FUT4: variants seen among roughly 807,000 people sequenced by gnomAD.
FUT4 encodes alpha-(1,3)-fucosyltransferase 4.
In FUT4, 1 loss-of-function variant was observed where a neutral mutation model predicts 3.8. That is an observed-to-expected ratio of 0.26 (90% CI 0.09 to 1.25). The LOEUF (loss-of-function observed/expected upper bound fraction) is 1.25, where lower values mean the gene tolerates loss of function less well. Ranked by LOEUF, FUT4 falls within the 50% of genes most tolerant of loss-of-function variation. The pLI is 0.47. For missense variants in FUT4, 880 were observed against 768.2 expected, an observed-to-expected ratio of 1.15 and a Z score of -1.72; for synonymous variants, 417 against 355.3, an observed-to-expected ratio of 1.17 and a Z score of -1.95.
At position 94,544,264 on chromosome 11, in the gene FUT4, G is replaced by A; in HGVS notation, c.131G>A (p.Gly44Glu). ...GGCCCCGGGCGCAGTGGAAGAAAGGGACGGGCGGTGCCCGGTTGGGCGTCC... is the reference window on the plus strand; with the variant it reads ...GGCCCCGGGCGCAGTGGAAGAAAGGAACGGGCGGTGCCCGGTTGGGCGTCC... ...RLGPGRSGRK[G>E]RAVPGWASWP... is the part of the protein sequence containing the mutation. The change falls in exon 1 of 1, where the codon GGA becomes GAA. Residue 44 changes from glycine (G) to glutamate (E), a missense_variant. Gly to Glu is a moderately conservative substitution (Grantham distance 98, BLOSUM62 -2). Coordinates refer to ENST00000358752, the MANE Select transcript of FUT4 (RefSeq NM_002033.4). The A allele has an allele frequency of 6.5e-7, 1 of 1,537,864 alleles. No homozygotes were observed. Among genetic ancestry groups the A allele is most frequent in the Non-Finnish European group, 8.7e-7 (1 of 1,148,108 alleles).
At position 94,544,986 on chromosome 11, in the gene FUT4, C is replaced by A. The variant is rs753122175; in HGVS notation, c.853C>A (p.Pro285Thr). ...AAAEALATSS[P>T]RPPGQRWVWM... ...GGCAGAAGCCCTGGCGACCTCCAGCCCCAGGCCCCCGGGCCAGCGCTGGGT... is the reference window on the plus strand; with the variant it reads ...GGCAGAAGCCCTGGCGACCTCCAGCACCAGGCCCCCGGGCCAGCGCTGGGT... Residue 285 changes from proline to threonine, a missense_variant, in exon 1 of 1, where the codon CCC (proline) becomes ACC (threonine). Around this residue, in one of 3 missense-constraint regions of FUT4, gnomAD observed 424 missense variants for 400.4 expected, o/e 1.06. Coordinates refer to ENST00000358752, the MANE Select transcript of FUT4 (RefSeq NM_002033.4). The A allele has an allele frequency of 6.2e-7, 1 of 1,607,292 alleles. No homozygotes were observed. The highest frequency in any genetic ancestry group is 2.2e-5 in the East Asian group (1 of 44,594).
chr11:94,545,764 G>A lies in FUT4; in HGVS notation c.*38G>A, dbSNP rs1253947369. The A allele has an allele frequency of 4.4e-6, 7 of 1,580,388 alleles. No homozygotes were observed. The highest frequency in any genetic ancestry group is 1.1e-5 in the South Asian group (1 of 87,536). On this transcript the variant is annotated 3_prime_UTR_variant, in exon 1 of 1. Transcript: ENST00000358752. Reference sequence around the variant, plus strand: ...CTGGAAGCGACCCAGGGGAGGCCAAGTTGTCAGCTTTTTGATCCTCTACTG... The same window carrying A: ...CTGGAAGCGACCCAGGGGAGGCCAAATTGTCAGCTTTTTGATCCTCTACTG...
chr11:94,544,631 G>A lies in FUT4; in HGVS notation c.498G>A (p.Leu166=). The change falls in exon 1 of 1, where the codon CTG becomes CTA. Residue 166 remains leucine, a synonymous_variant. Transcript: ENST00000358752. Reference sequence around the variant, plus strand: ...CCGCCGGCTTGACGTGTACGGCGCTGATCACCTACGCTTGCTGGGGGCAGC... The same window carrying A: ...CCGCCGGCTTGACGTGTACGGCGCTAATCACCTACGCTTGCTGGGGGCAGC... ...LAAAGLTCTA[L]ITYACWGQLP... The A allele has an allele frequency of 6.6e-7, 1 of 1,507,502 alleles. No individual in the cohort carries two copies. The highest frequency in any genetic ancestry group is 8.8e-7 in the Non-Finnish European group (1 of 1,140,934). 93.4% of individuals were successfully genotyped at this position (1,507,502 alleles called of 1,614,324 possible). A position where few individuals can be genotyped will look rare whatever the true frequency, so the allele number is the denominator to read the frequency against.
chr11:94,544,871 C>A lies in FUT4; in HGVS notation c.738C>A (p.Pro246=). The change falls in exon 1 of 1, where the codon CCC becomes CCA. Residue 246 remains proline (P), a synonymous_variant. Transcript: ENST00000358752. ...ACCACCGCGACCTCGTGAAGGGGCC[C>A]CCCGACTGGCCCCCGCCCTGGGGCA... ...LFHHRDLVKG[P]PDWPPPWGIQ... 6.2e-7 allele frequency: 1 copy of A among 1,608,798 alleles called. No homozygotes were observed. Among genetic ancestry groups the A allele is most frequent in the East Asian group, 2.2e-5 (1 of 44,804 alleles).
rs1212984807 is a variant in FUT4, at chr11:94,545,519, C to T, written c.1386C>T (p.Phe462=). Residue 462 remains phenylalanine (F), a synonymous_variant, in exon 1 of 1, where the codon TTC becomes TTT. Transcript: ENST00000358752. ...PRGAFIHVDD[F]PSASSLASYL... Reference sequence around the variant, plus strand: ...GCGCCTTCATCCACGTGGACGACTTCCCAAGTGCCTCCTCCCTGGCCTCGT... The same window carrying T: ...GCGCCTTCATCCACGTGGACGACTTTCCAAGTGCCTCCTCCCTGGCCTCGT... 1.4e-5 allele frequency: 22 copies of T among 1,613,828 alleles called. No individual in the cohort carries two copies. Among genetic ancestry groups the T allele is most frequent in the Non-Finnish European group, 1.9e-5 (22 of 1,180,018 alleles).
rs1194218682 is a variant in FUT4 at position 94,546,014 on chromosome 11, A to T, written c.*288A>T. ...TCCTCACCTTGTAACCAGTGCAGAA[A>T]TGAAATAGCTTAGCGGCAAGAAGCC... is the stretch of plus-strand genomic sequence containing the variant. On this transcript the variant is annotated 3_prime_UTR_variant, in exon 1 of 1. Transcript: ENST00000358752. 3.8e-6 allele frequency: 2 copies of T among 526,024 alleles called. No individual in the cohort carries two copies. Among genetic ancestry groups the T allele is most frequent in the African/African-American group, 1.9e-5 (1 of 51,780 alleles). The allele number at this position is 526,024 out of a possible 1,614,324, so 32.6% of individuals were successfully genotyped here. A position where few individuals can be genotyped will look rare whatever the true frequency, so the allele number is the denominator to read the frequency against.
chr11:94,545,505 C>T lies in FUT4; in HGVS notation c.1372C>T (p.His458Tyr). Residue 458 changes from histidine to tyrosine, a missense_variant, in exon 1 of 1, where the codon CAC (histidine) becomes TAC (tyrosine). Physicochemically the swap from His to Tyr is moderately conservative, Grantham distance 83 (BLOSUM62 2). This residue lies in a region of FUT4 where 424 missense variants were observed against 400.4 expected (regional missense o/e 1.06). Coordinates refer to ENST00000358752, the MANE Select transcript of FUT4 (RefSeq NM_002033.4). ...CTTTGTGCCCCGCGGCGCCTTCATC[C>T]ACGTGGACGACTTCCCAAGTGCCTC... ...ERFVPRGAFI[H>Y]VDDFPSASSL... is the part of the protein sequence containing the mutation. 1 of 1,613,852 alleles carries T rather than the reference C, an allele frequency of 6.2e-7. No individual in the cohort carries two copies. The highest frequency in any genetic ancestry group is 1.3e-5 in the African/African-American group (1 of 75,082).
In FUT4 at chr11:94,547,849, A is replaced by G. The variant is rs1201364035; in HGVS notation, c.*2123A>G. 1.2e-5 allele frequency: 2 copies of G among 167,064 alleles called. No individual in the cohort carries two copies. The highest frequency in any genetic ancestry group is 1.3e-4 in the Admixed American group (2 of 15,280). The allele number at this position is 167,064 out of a possible 1,614,324, so 10.3% of individuals were successfully genotyped here. Reference sequence around the variant, plus strand: ...GAGCCTCAGCGTCCTCATCTATAAAATGACTGGCGAAAATACTTCACAAGC... The same window carrying G: ...GAGCCTCAGCGTCCTCATCTATAAAGTGACTGGCGAAAATACTTCACAAGC... On this transcript the variant is annotated 3_prime_UTR_variant, in exon 1 of 1. Transcript: ENST00000358752.
Position 94,544,976 on chromosome 11 carries a change from G to A in FUT4, c.843G>A (p.Ala281=), listed in dbSNP as rs1780662664. Residue 281 remains alanine, a synonymous_variant, in exon 1 of 1, where the codon GCG becomes GCA. Coordinates refer to ENST00000358752, the MANE Select transcript of FUT4 (RefSeq NM_002033.4). Reference sequence around the variant, plus strand: ...CAGCGGCGGCGGCAGAAGCCCTGGCGACCTCCAGCCCCAGGCCCCCGGGCC... The same window carrying A: ...CAGCGGCGGCGGCAGAAGCCCTGGCAACCTCCAGCCCCAGGCCCCCGGGCC... ...EEAAAAAEAL[A]TSSPRPPGQR... 6.2e-7 allele frequency: 1 copy of A among 1,606,528 alleles called. No homozygotes were observed. Among genetic ancestry groups the A allele is most frequent in the Non-Finnish European group, 8.5e-7 (1 of 1,176,826 alleles).
At position 94,545,159 on chromosome 11, in the gene FUT4, G is replaced by T. The variant is rs1417860296; in HGVS notation, c.1026G>T (p.Pro342=). 6.2e-7 allele frequency: 1 copy of T among 1,606,970 alleles called. No individual in the cohort carries two copies. Among genetic ancestry groups the T allele is most frequent in the Non-Finnish European group, 8.5e-7 (1 of 1,178,180 alleles). ...ACCCCAGAAGCCACCCCGGCGACCC[G>T]CCCTCAGGCCTGGCCCCGCCACTGT... ...YLYPRSHPGD[P]PSGLAPPLSR... The change falls in exon 1 of 1, where the codon CCG becomes CCT. Residue 342 remains proline, a synonymous_variant. Coordinates refer to ENST00000358752, the MANE Select transcript of FUT4 (RefSeq NM_002033.4).
rs767600530 is a variant in FUT4 at position 94,545,478 on chromosome 11, C to A, written c.1345C>A (p.Arg449Ser). The A allele has an allele frequency of 6.2e-7, 1 of 1,613,560 alleles. No homozygotes were observed. The highest frequency in any genetic ancestry group is 8.5e-7 in the Non-Finnish European group (1 of 1,179,888). Residue 449 changes from arginine (R) to serine (S), a missense_variant, in exon 1 of 1, where the codon CGC becomes AGC. Physicochemically the swap from Arg to Ser is moderately radical, Grantham distance 110. This residue lies in a region of FUT4 where 424 missense variants were observed against 400.4 expected (regional missense o/e 1.06). Transcript: ENST00000358752. ...VLGPDRANYERFVPRGAFIHV... is the reference protein window; with the variant it reads ...VLGPDRANYESFVPRGAFIHV... The stretch of plus-strand genomic sequence containing the variant: ...GGGCCCAGACCGTGCCAACTACGAG[C>A]GCTTTGTGCCCCGCGGCGCCTTCAT...
Position 94,545,264 on chromosome 11 carries a change from G to T in FUT4, c.1131G>T (p.Leu377=), listed in dbSNP as rs1277966298. The change falls in exon 1 of 1, where the codon CTG becomes CTT. Residue 377 remains leucine, a synonymous_variant. Coordinates refer to ENST00000358752, the MANE Select transcript of FUT4 (RefSeq NM_002033.4). ...CCCGGGTCCGCTACTACCACCAACTGAGCCAACATGTGACCGTGGACGTGT... is the reference window on the plus strand; with the variant it reads ...CCCGGGTCCGCTACTACCACCAACTTAGCCAACATGTGACCGTGGACGTGT... ...RQARVRYYHQ[L]SQHVTVDVFG... is the part of the protein sequence containing the mutation. The T allele has an allele frequency of 6.2e-7, 1 of 1,611,872 alleles. No individual in the cohort carries two copies. Among genetic ancestry groups the T allele is most frequent in the Non-Finnish European group, 8.5e-7 (1 of 1,179,902 alleles).
rs1295324483 is a variant in FUT4, at chr11:94,548,582, A to G, written c.*2856A>G. The stretch of plus-strand genomic sequence containing the variant: ...ACATACACATTGTTAATGTGGAACA[A>G]TTTAACACTAATCTCATCAGAGAGC... On this transcript the variant is annotated 3_prime_UTR_variant, in exon 1 of 1. Transcript: ENST00000358752. The G allele has an allele frequency of 1.2e-5, 2 of 167,008 alleles. No individual in the cohort carries two copies. The highest frequency in any genetic ancestry group is 6.5e-5 in the Admixed American group (1 of 15,276). The allele number at this position is 167,008 out of a possible 1,614,324, so 10.3% of individuals were successfully genotyped here.
In FUT4 at chr11:94,544,026, G is replaced by C; in HGVS notation, c.-108G>C. ...CCTGTACCTTCCCAGGGATGAACCG[G>C]GCCTTCCCTCTGGAAGGCGAGGGTT... On this transcript the variant is annotated 5_prime_UTR_variant, in exon 1 of 1. Transcript: ENST00000358752. 7.6e-7 allele frequency: 1 copy of C among 1,314,126 alleles called. No individual in the cohort carries two copies. The highest frequency in any genetic ancestry group is 9.8e-7 in the Non-Finnish European group (1 of 1,023,440). The allele number at this position is 1,314,126 out of a possible 1,614,324, so 81.4% of individuals were successfully genotyped here.
rs567389996 is a variant in FUT4, at chr11:94,545,300, C to T, written c.1167C>T (p.Gly389=). 5.6e-5 allele frequency: 90 copies of T among 1,611,508 alleles called. No homozygotes were observed. The East Asian group carries it at 2.0e-3, about 35-fold the overall frequency. The part of the protein sequence containing the change: ...QHVTVDVFGR[G]GPGQPVPEIG... ...TGACCGTGGACGTGTTCGGCCGGGG[C>T]GGGCCGGGGCAGCCGGTGCCCGAAA... is the stretch of plus-strand genomic sequence containing the variant. Residue 389 remains glycine (G), a synonymous_variant, in exon 1 of 1, where the codon GGC becomes GGT. Coordinates refer to ENST00000358752, the MANE Select transcript of FUT4 (RefSeq NM_002033.4).
Position 94,543,964 on chromosome 11 carries a change from C to T in FUT4, c.-170C>T. 1.1e-6 allele frequency: 1 copy of T among 927,536 alleles called. No homozygotes were observed. Among genetic ancestry groups the T allele is most frequent in the East Asian group, 3.3e-5 (1 of 30,120 alleles). 57.5% of individuals were successfully genotyped at this position (927,536 alleles called of 1,614,324 possible). A position where few individuals can be genotyped will look rare whatever the true frequency, so the allele number is the denominator to read the frequency against. ...CGCCTTCCGTCTGTTCTAGGGCCTGCTCCTGCGCGGCAGCTGCTTTAGAAG... is the reference window on the plus strand; with the variant it reads ...CGCCTTCCGTCTGTTCTAGGGCCTGTTCCTGCGCGGCAGCTGCTTTAGAAG... On this transcript the variant is annotated 5_prime_UTR_variant, in exon 1 of 1. Coordinates refer to ENST00000358752, the MANE Select transcript of FUT4 (RefSeq NM_002033.4).
Position 94,548,064 on chromosome 11 carries a change from T to C in FUT4, c.*2338T>C, listed in dbSNP as rs1367263764. The stretch of plus-strand genomic sequence containing the variant: ...GGATAATCTAAATCACCATTTAGAT[T>C]AAGCTTGACTTGCAAACTAGGAAGA... On this transcript the variant is annotated 3_prime_UTR_variant, in exon 1 of 1. Coordinates refer to ENST00000358752, the MANE Select transcript of FUT4 (RefSeq NM_002033.4). 4.2e-5 allele frequency: 7 copies of C among 166,890 alleles called. No homozygotes were observed. The highest frequency in any genetic ancestry group is 1.0e-4 in the Non-Finnish European group (7 of 68,116). 10.3% of individuals were successfully genotyped at this position (166,890 alleles called of 1,614,324 possible).
chr11:94,544,059 C>T lies in FUT4; in HGVS notation c.-75C>T. On this transcript the variant is annotated 5_prime_UTR_variant, in exon 1 of 1. Transcript: ENST00000358752. ...CTCTGGAAGGCGAGGGTTCGGGCCA[C>T]AGTGAGCGAGGGCCAGGGCGGTGGG... The T allele has an allele frequency of 1.5e-6, 2 of 1,350,718 alleles. No individual in the cohort carries two copies. The highest frequency in any genetic ancestry group is 3.1e-5 in the East Asian group (1 of 32,136). The allele number at this position is 1,350,718 out of a possible 1,614,324, so 83.7% of individuals were successfully genotyped here. A position where few individuals can be genotyped will look rare whatever the true frequency, so the allele number is the denominator to read the frequency against.
rs761352922 is a variant in FUT4 at position 94,545,768 on chromosome 11, T to C, written c.*42T>C. On this transcript the variant is annotated 3_prime_UTR_variant, in exon 1 of 1. Transcript: ENST00000358752. ...AAGCGACCCAGGGGAGGCCAAGTTG[T>C]CAGCTTTTTGATCCTCTACTGTGCA... The C allele has an allele frequency of 8.3e-6, 13 of 1,575,180 alleles. No individual in the cohort carries two copies. Among genetic ancestry groups the C allele is most frequent in the Non-Finnish European group, 1.1e-5 (13 of 1,160,574 alleles).
Sources: gnomAD v4.1 joint callset for allele counts on GRCh38, gnomAD v4.1.1 for gene constraint, gnomAD v4.1.1 regional missense constraint, MANE v1.5 for transcripts, NCBI Gene and HGNC (gene_info 2026-07-23, HGNC 2026-07-21) for gene names.